Variants in CACNA1D observed in about 807,000 individuals in gnomAD.
CACNA1D encodes calcium voltage-gated channel subunit alpha1 D.
CACNA1D carries 55 observed loss-of-function variants against 257.1 expected under a neutral mutation model. The observed-to-expected ratio is 0.21, with a 90% CI of 0.17 to 0.27. CACNA1D has a LOEUF of 0.27. CACNA1D is among the 10% of genes least tolerant of loss of function. CACNA1D has a pLI of 1.00. For missense variants in CACNA1D, 1,876 were observed against 2,784.0 expected, an observed-to-expected ratio of 0.67 and a Z score of 7.34; for synonymous variants, 980 against 1,014.9, an observed-to-expected ratio of 0.97 and a Z score of 0.65.
chr3:53,576,341 G>C (rs1421788321), intron 3 of CACNA1D, among the ~76,000 whole-genome samples: 1 of 152,180 alleles, frequency 6.6e-6, no homozygotes, highest in Non-Finnish European at 1.5e-5. Flanking sequence ...TCTGGTGAGT[G>C]TTATCCTCCG....
chr3:53,636,901 C>T lies in CACNA1D; in HGVS notation c.484-13878C>T, dbSNP rs9868525. ...TGTGCCAAGAAACAGTTTCATTCAACGGTTAAGGTGACTTGTGTCACTGAT... is the reference window on the plus strand; with the variant it reads ...TGTGCCAAGAAACAGTTTCATTCAATGGTTAAGGTGACTTGTGTCACTGAT... On this transcript the variant is annotated intron_variant, in intron 3 of 47. Transcript: ENST00000350061. Among the ~76,000 whole-genome samples, 849 of 152,282 alleles carry T rather than the reference C, an allele frequency of 5.6e-3. 10 individuals carry two copies. Among genetic ancestry groups the T allele is most frequent in the African/African-American group, 0.019 (810 of 41,558 alleles).
chr3:53,658,899 C>A (rs1173136227), intron 4 of CACNA1D, among the ~76,000 whole-genome samples: 1 of 152,118 alleles, frequency 6.6e-6, no homozygotes, highest in Admixed American at 6.5e-5. Flanking sequence ...AAACAAAGGG[C>A]TGATCTATAA....
Position 53,781,662 on chromosome 3 carries a change from C to T in CACNA1D, c.4787C>T (p.Ala1596Val). Residue 1596 changes from alanine to valine, a missense_variant, in exon 39 of 48, where the codon GCT becomes GTT. Ala to Val is a moderately conservative substitution (Grantham distance 64). This residue lies in a region of CACNA1D where 160 missense variants were observed against 236.6 expected (regional missense o/e 0.68). Transcript: ENST00000350061. ...TTACTTGACCAAGTTGTCCCTCCAG[C>T]TGGTGGTCAGTGCAGTCTATTTCCT... ...MKLLDQVVPP[A>V]GDDEVTVGKF... is the part of the protein sequence containing the mutation. 6.2e-7 allele frequency: 1 copy of T among 1,607,934 alleles called. No individual in the cohort carries two copies. The highest frequency in any genetic ancestry group is 1.1e-5 in the South Asian group (1 of 90,968).
intron 3 of CACNA1D, among the ~76,000 whole-genome samples, chr3:53,639,203 C>T (rs1270745007): frequency 1.3e-5 from 2 of 152,042 alleles, no homozygotes. Flanking sequence ...GAGTTCAAGA[C>T]CAGCCTGACC....
At chr3:53,533,625 CTCT>C (rs1559802084) in intron 3 of CACNA1D, among the ~76,000 whole-genome samples, 1 of 152,200 alleles carries the variant, frequency 6.6e-6, no homozygotes, top group African/African-American at 2.4e-5. Context: ...GCAGCACTCA[CTCT>C]TCTTTGTGAC....
chr3:53,808,555 C>T (rs2095579121), intron 45 of CACNA1D, 94 bp from the exon 46 acceptor site: 8 of 1,472,880 alleles, frequency 5.4e-6, no homozygotes, highest in East Asian at 2.3e-5. Flanking sequence ...TTCCTGGGCT[C>T]GTTGCTGAGC....
intron 3 of CACNA1D, among the ~76,000 whole-genome samples, chr3:53,520,867 T>C (rs1200105056): frequency 1.2e-5 from 1 of 80,952 alleles, no homozygotes; most frequent in African/African-American, 7.5e-5. Context: ...TCTTTCTTTC[T>C]TTCTTTCTTT....
In CACNA1D at chr3:53,590,804, C is replaced by T. The variant is rs144204712; in HGVS notation, c.484-59975C>T. Among the ~76,000 whole-genome samples the T allele has an allele frequency of 3.3e-5, 5 of 152,228 alleles. No homozygotes were observed. The East Asian group carries it at 5.8e-4, about 18-fold the overall frequency. ...GGCATTGCCGAGAGGATCGAGTGAG[C>T]GGGCATAGGTACTTCTCTACACTGA... On this transcript the variant is annotated intron_variant, in intron 3 of 47. Transcript: ENST00000350061.
In CACNA1D at chr3:53,687,970, A is replaced by T. The variant is rs529229974; in HGVS notation, c.1221-14671A>T. Among the ~76,000 whole-genome samples, 3 of 152,390 alleles carry T rather than the reference A, an allele frequency of 2.0e-5. No individual in the cohort carries two copies. In the East Asian group the frequency reaches 5.8e-4, roughly 29 times the overall value. On this transcript the variant is annotated intron_variant, in intron 8 of 47. Transcript: ENST00000350061. ...AGAGTACAGAGCAACTGATATGCTC[A>T]TACATTGTTTATAGAAACATAAAAT...
At chr3:53,666,282 C>A in intron 6 of CACNA1D, 57 bp from the exon 7 acceptor site, 1 of 1,547,430 alleles carries the variant, frequency 6.5e-7, no homozygotes, top group Non-Finnish European at 8.9e-7. Flanking sequence ...CTTCCGCTGG[C>A]TTGGATTTCC....
At chr3:53,761,952 C>G in intron 29 of CACNA1D, 46 bp from the exon 30 acceptor site, 2 of 1,312,166 alleles carry the variant, frequency 1.5e-6, no homozygotes, top group Non-Finnish European at 2.2e-6. Flanking sequence ...TGTGGTGGGT[C>G]ATTCATACAT....
intron 40 of CACNA1D, among the ~76,000 whole-genome samples, chr3:53,798,320 TGTGTGTGC>T (rs777246779): frequency 0.031 from 4,567 of 148,196 alleles, 117 homozygotes; most frequent in Non-Finnish European, 0.043. Flanking sequence ...TGTGTGTGTG[TGTGTGTGC>T]GTGTGTGTGC....
intron 4 of CACNA1D, among the ~76,000 whole-genome samples, chr3:53,657,620 A>T (rs2094161215): frequency 6.6e-6 from 1 of 152,250 alleles, no homozygotes; most frequent in African/African-American, 2.4e-5. Flanking sequence ...AAAACTTCAG[A>T]ACATCAGATT....
intron 3 of CACNA1D, among the ~76,000 whole-genome samples, chr3:53,577,784 T>A (rs957178181): frequency 6.6e-6 from 1 of 152,204 alleles, no homozygotes; most frequent in African/African-American, 2.4e-5. Context: ...GAATTCCCAG[T>A]AGATGGAATC....
At position 53,673,132 on chromosome 3, in the gene CACNA1D, C is replaced by G; in HGVS notation, c.1220+6C>G. ...GTACTTGGTGTATTGAGCGGGTAAG[C>G]TACACCTCTTTCATCTTGAAAGCAG... On this transcript the variant is annotated splice_donor_region_variant and intron_variant, in intron 8 of 47. Transcript: ENST00000350061. The surrounding 1 kb of genome is among the most constrained non-coding windows in gnomAD (Gnocchi z 4.1). The G allele has an allele frequency of 6.5e-7, 1 of 1,529,624 alleles. No individual in the cohort carries two copies. The highest frequency in any genetic ancestry group is 8.9e-7 in the Non-Finnish European group (1 of 1,126,732). 94.8% of individuals were successfully genotyped at this position (1,529,624 alleles called of 1,614,324 possible). A position where few individuals can be genotyped will look rare whatever the true frequency, so the allele number is the denominator to read the frequency against.
intron 3 of CACNA1D, among the ~76,000 whole-genome samples, chr3:53,509,565 G>A (rs2091019947): frequency 6.6e-6 from 1 of 152,196 alleles, no homozygotes; most frequent in African/African-American, 2.4e-5. Context: ...TATTGAATGA[G>A]TGAACGCGAG....
At chr3:53,691,600 G>T (rs956702749) in intron 8 of CACNA1D, among the ~76,000 whole-genome samples, 1 of 147,382 alleles carries the variant, frequency 6.8e-6, no homozygotes, top group Non-Finnish European at 1.5e-5. Flanking sequence ...GAGATACAGT[G>T]AAAGGAAGGC....
At chr3:53,769,857 C>T (rs1298800901) in intron 30 of CACNA1D, 116 bp from the exon 31 acceptor site, 5 of 827,450 alleles carry the variant, frequency 6.0e-6, no homozygotes, top group Non-Finnish European at 1.1e-5. Context: ...AGGGAGGGAG[C>T]AGGTGTGGTG....
intron 9 of CACNA1D, chr3:53,710,379 T>C (rs2094739068): frequency 2.2e-6 from 1 of 456,042 alleles, no homozygotes; most frequent in Admixed American, 2.4e-5. Context: ...TGAAATTGCC[T>C]GTGTTCAACC....
Sources: allele counts gnomAD v4.1 joint callset (sites outside exome capture counted in the v4.1 genomes callset), GRCh38; gene constraint gnomAD v4.1.1; regional missense constraint gnomAD v4.1.1; non-coding constraint Gnocchi (gnomAD v3.1); transcripts MANE v1.5; gene names NCBI Gene and HGNC (gene_info 2026-07-23, HGNC 2026-07-21).